NCOA2: variants seen among roughly 807,000 people sequenced by gnomAD.
The protein encoded by NCOA2 is class E basic helix-loop-helix protein 75.
A neutral mutation model predicts 145.1 loss-of-function variants in NCOA2; 21 were observed. The ratio of observed to expected loss-of-function variants is 0.14; its 90% confidence interval spans 0.10 to 0.21. The LOEUF (loss-of-function observed/expected upper bound fraction) is 0.21. Ranked by LOEUF, NCOA2 falls within the 10% of genes least tolerant of loss-of-function variation. The pLI is 1.00. For synonymous variants in NCOA2, 619 were observed against 637.5 expected (o/e 0.97, Z 0.44); for missense variants, 1,472 against 1,837.6 (o/e 0.80, Z 3.64).
chr8:70,257,877 C>T (rs1466118227), intron 2 of NCOA2, among the ~76,000 whole-genome samples: 1 of 148,462 alleles, frequency 6.7e-6, no homozygotes, highest in South Asian at 2.1e-4. Flanking sequence ...TCCGCAACAA[C>T]AGCAAAAAAA....
chr8:70,325,422 A>C (rs1806464460), intron 1 of NCOA2, among the ~76,000 whole-genome samples: 1 of 152,110 alleles, frequency 6.6e-6, no homozygotes, highest in African/African-American at 2.4e-5. Flanking sequence ...ATAAATAGAA[A>C]GTAGAACATA....
rs572835916 is a variant in NCOA2, at chr8:70,219,206, G to T, written c.-19-2442C>A. Among the ~76,000 whole-genome samples the T allele has an allele frequency of 3.4e-4, 52 of 152,236 alleles. No individual in the cohort carries two copies. The South Asian group carries it at 0.01, about 30-fold the overall frequency. Reference sequence around the variant, plus strand: ...CATTTGAGCAGACTGTTTATAATTTGCTTGTACCTACTCAAGGTTGGCTTA... The same window carrying T: ...CATTTGAGCAGACTGTTTATAATTTTCTTGTACCTACTCAAGGTTGGCTTA... On this transcript the variant is annotated intron_variant, in intron 2 of 22. Transcript: ENST00000452400.
At position 70,148,411 on chromosome 8, in the gene NCOA2, G is replaced by C; in HGVS notation, c.2467C>G (p.Pro823Ala). 2 of 1,613,918 alleles carry C rather than the reference G, an allele frequency of 1.2e-6. No individual in the cohort carries two copies. Among genetic ancestry groups the C allele is most frequent in the Non-Finnish European group, 1.7e-6 (2 of 1,179,894 alleles). The stretch of plus-strand genomic sequence containing the variant: ...GCAGGGGCGCCTGGCCTCGTGTCTG[G>C]GAAAAGCTGTGGTAATTGACTATTC... ...LQNSQLPQLF[P>A]DTRPGAPAGS... The change falls in exon 12 of 23, where the codon CCA (proline) becomes GCA (alanine). Residue 823 changes from proline (P) to alanine (A), a missense_variant. Physicochemically the swap from Pro to Ala is conservative, Grantham distance 27. This residue lies in a region of NCOA2 where 953 missense variants were observed against 1,062.1 expected (regional missense o/e 0.90). Transcript: ENST00000452400.
chr8:70,273,516 T>G (rs2135343775), intron 2 of NCOA2: 1 of 680,950 alleles, frequency 1.5e-6, no homozygotes, highest in Non-Finnish European at 2.6e-6. Flanking sequence ...TTAAAGAAGT[T>G]AGAAATCTCT....
chr8:70,333,668 G>A (rs1304309154), intron 1 of NCOA2, among the ~76,000 whole-genome samples: 1 of 152,168 alleles, frequency 6.6e-6, no homozygotes, highest in Non-Finnish European at 1.5e-5. Flanking sequence ...AACAAACCCA[G>A]TACACGTTAA....
At chr8:70,190,718 T>G (rs1483321178) in intron 4 of NCOA2, among the ~76,000 whole-genome samples, 1 of 151,944 alleles carries the variant, frequency 6.6e-6, no homozygotes, top group African/African-American at 2.4e-5. Context: ...TAGCTGGGCG[T>G]GGTGGTAGAC....
intron 4 of NCOA2, among the ~76,000 whole-genome samples, chr8:70,195,589 T>C (rs1469143283): frequency 6.6e-6 from 1 of 152,236 alleles, no homozygotes; most frequent in Non-Finnish European, 1.5e-5. Flanking sequence ...TTTTATGTCA[T>C]TCATCTGGCT....
At chr8:70,285,534 C>T (rs1826175191) in intron 2 of NCOA2, among the ~76,000 whole-genome samples, 1 of 152,242 alleles carries the variant, frequency 6.6e-6, no homozygotes, top group African/African-American at 2.4e-5. Context: ...GCGAAGAACA[C>T]TGAGAGACAG....
Position 70,213,896 on chromosome 8 carries a change from C to T in NCOA2, c.259+7G>A. 1 of 1,574,692 alleles carries T rather than the reference C, an allele frequency of 6.4e-7. No individual in the cohort carries two copies. Among genetic ancestry groups the T allele is most frequent in the Non-Finnish European group, 8.6e-7 (1 of 1,160,424 alleles). ...AACTCTTCAAAATACTAATTCAGTC[C>T]TCTTACCTTGTTCTTTGATCTGACG... On this transcript the variant is annotated splice_region_variant and intron_variant, in intron 4 of 22. Transcript: ENST00000452400.
At chr8:70,256,266 C>T (rs540361539) in intron 2 of NCOA2, among the ~76,000 whole-genome samples, 4 of 152,226 alleles carry the variant, frequency 2.6e-5, no homozygotes, top group Non-Finnish European at 4.4e-5. Flanking sequence ...GCTGACAGAA[C>T]GGGAGGCAAG....
chr8:70,422,767 T>C, the NCOA2 span, among the ~76,000 whole-genome samples: 1 of 152,234 alleles, frequency 6.6e-6, no homozygotes, highest in Non-Finnish European at 1.5e-5. Context: ...TGTGTTTTTT[T>C]TCTTTTAAAT....
chr8:70,383,843 T>G (rs1812429034), intron 1 of NCOA2, among the ~76,000 whole-genome samples: 1 of 152,166 alleles, frequency 6.6e-6, no homozygotes, highest in Non-Finnish European at 1.5e-5. Context: ...GCTCTACTCA[T>G]ACTTCTAAGA....
intron 15 of NCOA2, among the ~76,000 whole-genome samples, chr8:70,132,693 A>G (rs1809268568): frequency 1.3e-5 from 2 of 152,170 alleles, no homozygotes; most frequent in Non-Finnish European, 2.9e-5. Flanking sequence ...GCATCCAAGT[A>G]GCTGGGACTA....
the NCOA2 span, chr8:70,424,160 A>C: frequency 0.019 from 4,353 of 228,922 alleles, 200 homozygotes; most frequent in African/African-American, 0.096. Flanking sequence ...GTATGGCCAC[A>C]GTGGCCAGTG....
Position 70,298,195 on chromosome 8 carries a change from A to C in NCOA2, c.-76-1395T>G, listed in dbSNP as rs187666064. 1.4e-4 allele frequency among the ~76,000 whole-genome samples: 21 copies of C among 152,358 alleles called. No individual in the cohort carries two copies. The East Asian group carries it at 4.0e-3, about 29-fold the overall frequency. On this transcript the variant is annotated intron_variant, in intron 1 of 22. Transcript: ENST00000452400. ...TTTACTCGTTAAAACAGTAAATAGA[A>C]TCCAATAGCACAAACAAGTTAACAT...
intron 15 of NCOA2, 31 bp from the exon 16 acceptor site, chr8:70,132,033 A>G (rs879148706): frequency 1.5e-5 from 24 of 1,597,208 alleles, no homozygotes; most frequent in African/African-American, 2.7e-5. Flanking sequence ...CCTTGGGCCA[A>G]TGGAAAAGCT....
the NCOA2 span, among the ~76,000 whole-genome samples, chr8:70,427,431 A>G: frequency 6.6e-6 from 1 of 152,232 alleles, no homozygotes; most frequent in Non-Finnish European, 1.5e-5. Context: ...TATAAAGTGT[A>G]ACACCTTTTC....
chr8:70,295,063 G>C (rs1826987537), intron 2 of NCOA2, among the ~76,000 whole-genome samples: 1 of 151,942 alleles, frequency 6.6e-6, no homozygotes, highest in African/African-American at 2.4e-5. Flanking sequence ...AAAAAGGTAA[G>C]AAAGAACAAA....
chr8:70,335,410 TA>T (rs1807500457), intron 1 of NCOA2, among the ~76,000 whole-genome samples: 1 of 152,176 alleles, frequency 6.6e-6, no homozygotes, highest in Non-Finnish European at 1.5e-5. Context: ...AAACAGATTT[TA>T]CACCAAATCT....
Sources: gnomAD v4.1 joint callset for allele counts (sites outside exome capture counted in the v4.1 genomes callset) on GRCh38, gnomAD v4.1.1 for gene constraint, gnomAD v4.1.1 regional missense constraint, MANE v1.5 for transcripts, NCBI Gene and HGNC (gene_info 2026-07-23, HGNC 2026-07-21) for gene names.